Variants in NEK4 observed in about 807,000 individuals in gnomAD.
The protein encoded by NEK4 is NIMA related kinase 4, also known as serine/threonine-protein kinase Nek4.
In NEK4, 86 loss-of-function variants were observed where a neutral mutation model predicts 98.4. That is an observed-to-expected ratio of 0.87 (90% CI 0.73 to 1.05). The LOEUF (loss-of-function observed/expected upper bound fraction) is 1.05, where lower values mean the gene tolerates loss of function less well. Ranked by LOEUF, NEK4 falls within the 50% of genes least tolerant of loss-of-function variation. NEK4 has a pLI of 0.00. For missense variants in NEK4, 898 were observed against 950.3 expected, an observed-to-expected ratio of 0.94 and a Z score of 0.72; for synonymous variants, 328 against 342.2, an observed-to-expected ratio of 0.96 and a Z score of 0.46.
intron 15 of NEK4, among the ~76,000 whole-genome samples, chr3:52,715,074 G>A (rs2097353942): frequency 1.3e-5 from 2 of 152,336 alleles, no homozygotes; most frequent in African/African-American, 4.8e-5. Context: ...GCGGGTCCCC[G>A]GTGAGGCCCC....
rs1412568194 is a variant in NEK4, at chr3:52,731,257, TTTTC to T, written c.2433+6325_2433+6328del. Among the ~76,000 whole-genome samples the T allele has an allele frequency of 2.6e-5, 4 of 152,230 alleles. No homozygotes were observed. In the East Asian group the frequency reaches 5.8e-4, roughly 22 times the overall value. On this transcript the variant is annotated intron_variant, in intron 15 of 15. Coordinates refer to ENST00000233027, the MANE Select transcript of NEK4 (RefSeq NM_003157.6). ...ACAACAACAAAATTTACAAACATACTTTTCTTTCTTCTCTCAATTTCTTTAAGAC... is the reference window on the plus strand; with the variant it reads ...ACAACAACAAAATTTACAAACATACTTTTCTTCTCTCAATTTCTTTAAGAC...
At position 52,747,384 on chromosome 3, in the gene NEK4, G is replaced by T. The variant is rs180803509; in HGVS notation, c.1507-480C>A. ...GTAGAAGAATTGCTTGAACCCGGGA[G>T]GGGGAGGCTGCAGTAAGCTGAGATC... On this transcript the variant is annotated intron_variant, in intron 8 of 15. Transcript: ENST00000233027. The T allele has an allele frequency of 1.1e-4, 18 of 157,898 alleles. 1 individual carries two copies. The highest frequency in any genetic ancestry group is 2.9e-4 in the African/African-American group (12 of 41,464). The allele number at this position is 157,898 out of a possible 1,614,324, so 9.8% of individuals were successfully genotyped here. A position where few individuals can be genotyped will look rare whatever the true frequency, so the allele number is the denominator to read the frequency against.
intron 15 of NEK4, among the ~76,000 whole-genome samples, chr3:52,717,671 C>T (rs1488622842): frequency 6.6e-6 from 1 of 152,000 alleles, no homozygotes; most frequent in African/African-American, 2.4e-5. Flanking sequence ...AAACAGAGCA[C>T]CAAATCTCTT....
intron 15 of NEK4, among the ~76,000 whole-genome samples, chr3:52,719,271 T>C (rs182151003): frequency 1.1e-3 from 165 of 152,216 alleles, no homozygotes; most frequent in Non-Finnish European, 1.8e-3. Flanking sequence ...AGCCAATTCA[T>C]TGGAGATGTA....
intron 5 of NEK4, 130 bp downstream of exon 5, chr3:52,763,340 A>G (rs1698427446): frequency 2.1e-6 from 2 of 971,674 alleles, no homozygotes; most frequent in Admixed American, 2.4e-5. Context: ...TCCTCTACAT[A>G]TGTAATCATG....
At chr3:52,746,987 G>A in intron 8 of NEK4, 83 bp from the exon 9 acceptor site, 1 of 1,126,910 alleles carries the variant, frequency 8.9e-7, no homozygotes, top group South Asian at 1.6e-5. Context: ...ATAAAAAGTG[G>A]CTTTTGTTTT....
chr3:52,741,453 G>A lies in NEK4; in HGVS notation c.2051C>T (p.Ser684Phe). 6.2e-7 allele frequency: 1 copy of A among 1,611,298 alleles called. No individual in the cohort carries two copies. Among genetic ancestry groups the A allele is most frequent in the Non-Finnish European group, 8.5e-7 (1 of 1,177,534 alleles). Residue 684 changes from serine to phenylalanine, a missense_variant, in exon 13 of 16, where the codon TCT becomes TTT. Ser to Phe is a radical substitution (Grantham distance 155). Transcript: ENST00000233027. Reference sequence around the variant, plus strand: ...ATCTGACTTATCAGTTGAACTTGTAGAAGAACTTAACTCATCCTCAGACAG... The same window carrying A: ...ATCTGACTTATCAGTTGAACTTGTAAAAGAACTTAACTCATCCTCAGACAG... Reference protein sequence around the residue: ...HCLSEDELSSSTSSTDKSDGD... With the variant: ...HCLSEDELSSFTSSTDKSDGD...
Position 52,746,771 on chromosome 3 carries a change from C to A in NEK4, c.1640G>T (p.Arg547Ile), listed in dbSNP as rs745835438. 1.4e-4 allele frequency: 224 copies of A among 1,614,014 alleles called. 2 individuals are homozygous for A. Among genetic ancestry groups the A allele is most frequent in the Non-Finnish European group, 1.8e-4 (218 of 1,179,994 alleles). ...TCTGCGGACCTGTCTCTTTTCCCCT[C>A]TGTGCTCAGTCTGTTCTCTCCTCTT... ...RQKRREQTEH[R>I]GEKRQVRRDL... is the part of the protein sequence containing the mutation. The change falls in exon 9 of 16, where the codon AGA becomes ATA. Residue 547 changes from arginine to isoleucine, a missense_variant. Arg to Ile is a moderately conservative substitution (Grantham distance 97, BLOSUM62 -3). Coordinates refer to ENST00000233027, the MANE Select transcript of NEK4 (RefSeq NM_003157.6).
intron 15 of NEK4, among the ~76,000 whole-genome samples, chr3:52,721,808 G>A (rs1442087328): frequency 6.6e-6 from 1 of 152,020 alleles, no homozygotes; most frequent in African/African-American, 2.4e-5. Context: ...ATGCCCAGGG[G>A]AAAACACAGA....
At chr3:52,714,804 AC>A (rs531698315) in intron 15 of NEK4, among the ~76,000 whole-genome samples, 6 of 152,000 alleles carry the variant, frequency 3.9e-5, no homozygotes, top group Admixed American at 3.9e-4. Context: ...TATTACCCCC[AC>A]CCCCAGCTCC....
intron 15 of NEK4, among the ~76,000 whole-genome samples, chr3:52,725,689 A>G (rs1229959257): frequency 6.6e-6 from 1 of 152,204 alleles, no homozygotes; most frequent in Admixed American, 6.5e-5. Flanking sequence ...GACATTAAAT[A>G]TAATCTCCAT....
chr3:52,758,407 T>C (rs1365127253), intron 6 of NEK4, among the ~76,000 whole-genome samples: 1 of 152,044 alleles, frequency 6.6e-6, no homozygotes, highest in Non-Finnish European at 1.5e-5. Flanking sequence ...TTTTACATTA[T>C]GTGTACTTTA....
chr3:52,717,764 G>A (rs1349216244), intron 15 of NEK4, among the ~76,000 whole-genome samples: 2 of 152,004 alleles, frequency 1.3e-5, no homozygotes, highest in African/African-American at 4.8e-5. Context: ...GTGTAACTGA[G>A]TACCTCCACT....
intron 10 of NEK4, 94 bp downstream of exon 10, chr3:52,745,967 C>G: frequency 8.7e-7 from 1 of 1,147,672 alleles, no homozygotes; most frequent in Non-Finnish European, 1.3e-6. Flanking sequence ...AATTGATCCT[C>G]TTGCTTCAGC....
intron 15 of NEK4, among the ~76,000 whole-genome samples, chr3:52,736,363 G>T (rs1463229021): frequency 6.6e-6 from 1 of 152,170 alleles, no homozygotes; most frequent in South Asian, 2.1e-4. Context: ...GAGGTGGGCA[G>T]ATCATGAGGT....
At chr3:52,766,572 T>A (rs544011149) in intron 2 of NEK4, among the ~76,000 whole-genome samples, 197 bp from the exon 3 acceptor site, 57 of 152,326 alleles carry the variant, frequency 3.7e-4, no homozygotes, top group Middle Eastern at 6.8e-3. Context: ...AAAGGTCTAA[T>A]TTACAATTTT....
chr3:52,712,349 G>A (rs1349262353), intron 15 of NEK4, among the ~76,000 whole-genome samples: 1 of 152,198 alleles, frequency 6.6e-6, no homozygotes, highest in Non-Finnish European at 1.5e-5. Flanking sequence ...GTGCCCCACT[G>A]CTCAAACCTC....
rs2097347384 is a variant in NEK4 at position 52,708,792 on chromosome 3, G to C, written c.*2985C>G. ...GTAAAGGTTGTGCAGGTGATATTCA[G>C]TAACACTGCAGTGTAGCCAGAGCAA... On this transcript the variant is annotated 3_prime_UTR_variant, in exon 16 of 16. Transcript: ENST00000233027. 1.3e-5 allele frequency: 2 copies of C among 151,988 alleles called. No individual in the cohort carries two copies. The highest frequency in any genetic ancestry group is 4.1e-4 in the South Asian group (2 of 4,822). 9.4% of individuals were successfully genotyped at this position (151,988 alleles called of 1,614,324 possible).
intron 6 of NEK4, chr3:52,753,743 C>T: frequency 1.8e-6 from 1 of 558,246 alleles, no homozygotes; most frequent in Non-Finnish European, 3.6e-6. Context: ...ACTCGTCCAC[C>T]TGAAATACTC....
Sources: gnomAD v4.1 joint callset for allele counts (sites outside exome capture counted in the v4.1 genomes callset) on GRCh38, gnomAD v4.1.1 for gene constraint, MANE v1.5 for transcripts, NCBI Gene and HGNC (gene_info 2026-07-23, HGNC 2026-07-21) for gene names.